EPHA6: variants seen among roughly 807,000 people sequenced by gnomAD.
EPHA6 encodes the protein ephrin type-A receptor 6.
A neutral mutation model predicts 112.0 loss-of-function variants in EPHA6; 50 were observed. The ratio of observed to expected loss-of-function variants is 0.45; its 90% CI spans 0.36 to 0.56. The LOEUF (loss-of-function observed/expected upper bound fraction) is 0.56, where lower values mean the gene tolerates loss of function less well. Among genes scored for constraint, EPHA6 ranks in the 20% least tolerant of loss-of-function variants. EPHA6 has a pLI of 0.00. For missense variants in EPHA6, 1,280 were observed against 1,417.4 expected, an observed-to-expected ratio of 0.90 and a Z score of 1.56; for synonymous variants, 529 against 490.7, an observed-to-expected ratio of 1.08 and a Z score of -1.03.
chr3:97,589,682 G>A lies in EPHA6; in HGVS notation c.2387-2930G>A, dbSNP rs555314228. On this transcript the variant is annotated intron_variant, in intron 11 of 17. Coordinates refer to ENST00000389672, the MANE Select transcript of EPHA6 (RefSeq NM_001080448.3). ...GAACCACTGCACTAAGGAGAGAATC[G>A]AAATCAGAGTTTTAGAATATTGTAT... 3.2e-3 allele frequency among the ~76,000 whole-genome samples: 494 copies of A among 152,140 alleles called. 2 individuals are homozygous for A. Among genetic ancestry groups the A allele is most frequent in the African/African-American group, 0.011 (459 of 41,512 alleles).
chr3:97,032,488 A>AT (rs1280031073), intron 3 of EPHA6, among the ~76,000 whole-genome samples: 30 of 152,024 alleles, frequency 2.0e-4, no homozygotes, highest in African/African-American at 6.7e-4. Context: ...GAGACCCATT[A>AT]TTTTGCTTGC....
At chr3:97,407,135 A>C (rs984855418) in intron 6 of EPHA6, among the ~76,000 whole-genome samples, 1 of 152,112 alleles carries the variant, frequency 6.6e-6, no homozygotes, top group Non-Finnish European at 1.5e-5. Flanking sequence ...TACAGATGTA[A>C]TAGAAAGAGA....
intron 7 of EPHA6, among the ~76,000 whole-genome samples, chr3:97,459,016 T>A (rs1026239088): frequency 2.6e-5 from 4 of 152,168 alleles, no homozygotes; most frequent in Admixed American, 2.6e-4. Flanking sequence ...TGCAAACAAA[T>A]GTGTCAAGGA....
intron 3 of EPHA6, among the ~76,000 whole-genome samples, chr3:97,059,218 G>A (rs2045944524): frequency 6.6e-6 from 1 of 152,098 alleles, no homozygotes; most frequent in Admixed American, 6.6e-5. Context: ...ATTGAACTAG[G>A]TCTCTGAGAA....
chr3:97,333,619 C>T (rs1162236973), intron 5 of EPHA6, among the ~76,000 whole-genome samples: 1 of 151,554 alleles, frequency 6.6e-6, no homozygotes, highest in African/African-American at 2.4e-5. Flanking sequence ...ACTATAGGCA[C>T]ACACCACCAC....
At chr3:97,084,561 A>G (rs2046834379) in intron 3 of EPHA6, among the ~76,000 whole-genome samples, 1 of 152,108 alleles carries the variant, frequency 6.6e-6, no homozygotes, top group Admixed American at 6.6e-5. Flanking sequence ...GTTTCAGGAT[A>G]CAAAATCAAT....
At chr3:96,988,189 T>A (rs1559648884) in intron 3 of EPHA6, among the ~76,000 whole-genome samples, 196 bp downstream of exon 3, 1 of 152,180 alleles carries the variant, frequency 6.6e-6, no homozygotes, top group South Asian at 2.1e-4. Context: ...AAAATGACGA[T>A]TTATTAAAAG....
chr3:97,304,354 T>C (rs1397767712), intron 5 of EPHA6, among the ~76,000 whole-genome samples: 1 of 151,956 alleles, frequency 6.6e-6, no homozygotes, highest in African/African-American at 2.4e-5. Flanking sequence ...GCTATTCCCA[T>C]TAAATTACCA....
chr3:96,854,360 A>G (rs2035571785), intron 1 of EPHA6, among the ~76,000 whole-genome samples: 1 of 151,718 alleles, frequency 6.6e-6, no homozygotes, highest in Non-Finnish European at 1.5e-5. Flanking sequence ...TTGTATTTTT[A>G]GTAAAGTCGA....
chr3:96,839,635 C>T (rs777361667), intron 1 of EPHA6, among the ~76,000 whole-genome samples: 1 of 151,790 alleles, frequency 6.6e-6, no homozygotes, highest in Admixed American at 6.6e-5. Flanking sequence ...TTTTAGAATG[C>T]TTACCCTGGA....
chr3:97,567,380 A>G (rs2093280520), intron 11 of EPHA6, among the ~76,000 whole-genome samples: 1 of 152,204 alleles, frequency 6.6e-6, no homozygotes, highest in African/African-American at 2.4e-5. Flanking sequence ...CATAGAATAC[A>G]ATGGAAAAAA....
chr3:97,072,948 T>A (rs1325439894), intron 3 of EPHA6, among the ~76,000 whole-genome samples: 1 of 152,118 alleles, frequency 6.6e-6, no homozygotes, highest in Non-Finnish European at 1.5e-5. Context: ...GAGAGGTGTG[T>A]TTTGCTCACA....
intron 7 of EPHA6, among the ~76,000 whole-genome samples, chr3:97,474,487 G>T (rs556701853): frequency 9.9e-5 from 15 of 151,950 alleles, no homozygotes; most frequent in African/African-American, 3.4e-4. Context: ...TCTGGTCATA[G>T]TTTTATGTGG....
chr3:97,186,215 A>ATG (rs2077131319), intron 3 of EPHA6, among the ~76,000 whole-genome samples: 1 of 151,980 alleles, frequency 6.6e-6, no homozygotes, highest in African/African-American at 2.4e-5. Context: ...AGTATAATAA[A>ATG]AAAAAATGTC....
At chr3:97,511,840 C>CAT (rs757629708) in intron 10 of EPHA6, among the ~76,000 whole-genome samples, 4 of 152,126 alleles carry the variant, frequency 2.6e-5, no homozygotes, top group Admixed American at 6.5e-5. Flanking sequence ...ATGCCCAGCA[C>CAT]ATATTTCATT....
intron 3 of EPHA6, among the ~76,000 whole-genome samples, chr3:97,081,792 G>A (rs1441400793): frequency 6.6e-6 from 1 of 151,158 alleles, no homozygotes; most frequent in Non-Finnish European, 1.5e-5. Context: ...CAATTTTCAT[G>A]CATCAATTAA....
At chr3:97,441,747 G>T (rs1329246485) in intron 6 of EPHA6, among the ~76,000 whole-genome samples, 3 of 151,934 alleles carry the variant, frequency 2.0e-5, no homozygotes, top group African/African-American at 7.2e-5. Context: ...ATTATAAGTG[G>T]TCATTGCTAG....
chr3:97,690,334 C>T (rs1174724653), intron 14 of EPHA6, among the ~76,000 whole-genome samples: 1 of 152,166 alleles, frequency 6.6e-6, no homozygotes, highest in Non-Finnish European at 1.5e-5. Context: ...TTCATTATAG[C>T]CATTTCTAAT....
Position 97,629,146 on chromosome 3 carries a change from T to G in EPHA6, c.2575-8727T>G, listed in dbSNP as rs141801872. Among the ~76,000 whole-genome samples, 416 of 152,106 alleles carry G rather than the reference T, an allele frequency of 2.7e-3. 4 individuals carry two copies. The highest frequency in any genetic ancestry group is 9.2e-3 in the African/African-American group (381 of 41,532). ...TCTTACTCTGTTGCCCAGGCTTGTCTCAATCTCCTGGCCTCAAATGATCCT... is the reference window on the plus strand; with the variant it reads ...TCTTACTCTGTTGCCCAGGCTTGTCGCAATCTCCTGGCCTCAAATGATCCT... On this transcript the variant is annotated intron_variant, in intron 13 of 17. Coordinates refer to ENST00000389672, the MANE Select transcript of EPHA6 (RefSeq NM_001080448.3).
Sources: allele counts gnomAD v4.1 joint callset (sites outside exome capture counted in the v4.1 genomes callset), GRCh38; gene constraint gnomAD v4.1.1; transcripts MANE v1.5; gene names NCBI Gene and HGNC (gene_info 2026-07-23, HGNC 2026-07-21).